Variants in PRKG1 observed in about 807,000 individuals in gnomAD.
PRKG1 encodes protein kinase cGMP-dependent 1, also known as cGMP-dependent protein kinase 1.
Under a neutral mutation model 88.1 loss-of-function variants are expected in PRKG1, and 35 were observed. The observed-to-expected ratio is 0.40, with a 90% CI of 0.30 to 0.53. The LOEUF is 0.53. Ranked by LOEUF, PRKG1 falls within the 20% of genes least tolerant of loss-of-function variation. The pLI is 0.59. For synonymous variants in PRKG1, 303 were observed against 292.5 expected, an observed-to-expected ratio of 1.04 and a Z score of -0.37; for missense variants, 540 against 839.8, an observed-to-expected ratio of 0.64 and a Z score of 4.41.
At chr10:51,177,958 T>C (rs1282191829) in intron 2 of PRKG1, among the ~76,000 whole-genome samples, 1 of 152,038 alleles carries the variant, frequency 6.6e-6, no homozygotes, top group Non-Finnish European at 1.5e-5. Context: ...AAGTAAAAAA[T>C]GTTGTAATAA....
At chr10:52,017,038 G>T (rs1320269990) in intron 5 of PRKG1, among the ~76,000 whole-genome samples, 1 of 152,144 alleles carries the variant, frequency 6.6e-6, no homozygotes. Flanking sequence ...AAGAAGTGTG[G>T]TTTGTCTGAG....
chr10:52,234,039 C>A (rs2132357914), intron 9 of PRKG1, among the ~76,000 whole-genome samples: 1 of 151,886 alleles, frequency 6.6e-6, no homozygotes, highest in Non-Finnish European at 1.5e-5. Context: ...GGGAGGCACC[C>A]CCCAGCAGAG....
intron 3 of PRKG1, among the ~76,000 whole-genome samples, chr10:51,510,084 TAA>T (rs1841347465): frequency 6.6e-6 from 1 of 152,192 alleles, no homozygotes; most frequent in Admixed American, 6.5e-5. Flanking sequence ...CTGAAAAAGT[TAA>T]GTTATACCAA....
chr10:52,187,933 G>A (rs180752645), intron 9 of PRKG1, among the ~76,000 whole-genome samples: 60 of 152,176 alleles, frequency 3.9e-4, no homozygotes, highest in African/African-American at 9.9e-4. Context: ...AGTTTGGAAC[G>A]TGATAGGATG....
intron 3 of PRKG1, among the ~76,000 whole-genome samples, chr10:51,756,103 G>A (rs1837853172): frequency 6.6e-6 from 1 of 152,098 alleles, no homozygotes; most frequent in African/African-American, 2.4e-5. Flanking sequence ...GATAACATTG[G>A]GGGCAGACAA....
chr10:51,213,802 G>A (rs184839770), intron 2 of PRKG1, among the ~76,000 whole-genome samples: 1 of 152,118 alleles, frequency 6.6e-6, no homozygotes, highest in East Asian at 1.9e-4. Flanking sequence ...GGGTGAGAGA[G>A]CAAGAGAGAA....
chr10:51,174,224 G>A (rs913213921), intron 2 of PRKG1, among the ~76,000 whole-genome samples: 5 of 151,826 alleles, frequency 3.3e-5, no homozygotes, highest in African/African-American at 1.2e-4. Flanking sequence ...AAAAGAATAA[G>A]CCTTTGTTAT....
At chr10:52,007,392 A>G (rs928325479) in intron 5 of PRKG1, among the ~76,000 whole-genome samples, 1 of 152,154 alleles carries the variant, frequency 6.6e-6, no homozygotes, top group Non-Finnish European at 1.5e-5. Flanking sequence ...CACCTCATAT[A>G]CAATAACATT....
rs372895981 is a variant in PRKG1, at chr10:51,054,139, T to G, written c.266+62495T>G. ...CCTAGTTCTGAGAAACTTTCTCATC[T>G]TAAACTAAACCTCATCTTGAACTAA... is the stretch of plus-strand genomic sequence containing the variant. On this transcript the variant is annotated intron_variant, in intron 1 of 17. Coordinates refer to the PRKG1 transcript ENST00000401604. Among the ~76,000 whole-genome samples, 5 of 152,152 alleles carry G rather than the reference T, an allele frequency of 3.3e-5. No individual in the cohort carries two copies. In the South Asian group the frequency reaches 1.0e-3, roughly 31 times the overall value.
chr10:51,183,088 C>A lies in PRKG1; in HGVS notation c.478+29758C>A, dbSNP rs551377021. Among the ~76,000 whole-genome samples the A allele has an allele frequency of 2.8e-4, 43 of 152,194 alleles. No homozygotes were observed. In the South Asian group the frequency reaches 8.9e-3, roughly 32 times the overall value. Reference sequence around the variant, plus strand: ...AACAGTTTTTCTGGTCCTTTTACCTCCTTAAAGTGTTGCTAGATGGAAAGG... The same window carrying A: ...AACAGTTTTTCTGGTCCTTTTACCTACTTAAAGTGTTGCTAGATGGAAAGG... On this transcript the variant is annotated intron_variant, in intron 2 of 17. Transcript: ENST00000373980.
At chr10:51,609,936 G>A (rs1838862854) in intron 3 of PRKG1, among the ~76,000 whole-genome samples, 1 of 151,956 alleles carries the variant, frequency 6.6e-6, no homozygotes, top group African/African-American at 2.4e-5. Flanking sequence ...AAACCACCAT[G>A]GCACACATTT....
intron 8 of PRKG1, among the ~76,000 whole-genome samples, chr10:52,157,084 CTT>C (rs1302000700): frequency 6.6e-6 from 1 of 151,128 alleles, no homozygotes; most frequent in Non-Finnish European, 1.5e-5. Context: ...TGTTATGAGA[CTT>C]TCTCCCACCC....
At chr10:51,362,318 G>C (rs952919131) in intron 2 of PRKG1, among the ~76,000 whole-genome samples, 6 of 151,688 alleles carry the variant, frequency 4.0e-5, no homozygotes, top group Admixed American at 3.9e-4. Context: ...TTTTCTATGT[G>C]TTCATAAAAG....
At chr10:51,904,304 C>A (rs1157803670) in intron 4 of PRKG1, among the ~76,000 whole-genome samples, 1 of 151,958 alleles carries the variant, frequency 6.6e-6, no homozygotes, top group South Asian at 2.1e-4. Context: ...TTTGTCCTTG[C>A]AATTATTTTG....
intron 9 of PRKG1, among the ~76,000 whole-genome samples, chr10:52,186,106 A>T (rs1185682165): frequency 6.6e-6 from 1 of 152,202 alleles, no homozygotes; most frequent in Non-Finnish European, 1.5e-5. Flanking sequence ...ATAAAGAAAT[A>T]ACTGAAGCTG....
intron 5 of PRKG1, among the ~76,000 whole-genome samples, chr10:51,988,356 T>C (rs1844217062): frequency 6.6e-6 from 1 of 152,094 alleles, no homozygotes; most frequent in Non-Finnish European, 1.5e-5. Flanking sequence ...TTTATTTCAC[T>C]AAGATAAATA....
intron 1 of PRKG1, among the ~76,000 whole-genome samples, chr10:51,065,744 C>T (rs1467243668): frequency 1.3e-5 from 2 of 152,014 alleles, no homozygotes; most frequent in African/African-American, 4.8e-5. Context: ...GTATAGTGAG[C>T]GCCTTCCTGT....
chr10:51,446,681 T>C (rs1034549366), intron 2 of PRKG1, among the ~76,000 whole-genome samples: 1 of 152,086 alleles, frequency 6.6e-6, no homozygotes, highest in Non-Finnish European at 1.5e-5. Flanking sequence ...GATGTGATCT[T>C]CATCCTTTCG....
chr10:51,898,669 T>A (rs1564698823), intron 4 of PRKG1, among the ~76,000 whole-genome samples: 1 of 152,026 alleles, frequency 6.6e-6, no homozygotes, highest in African/African-American at 2.4e-5. Context: ...ACCCTGCCTC[T>A]TCAAAAAACT....
Sources: allele counts gnomAD v4.1 joint callset (sites outside exome capture counted in the v4.1 genomes callset), GRCh38; gene constraint gnomAD v4.1.1; transcripts MANE v1.5; gene names NCBI Gene and HGNC (gene_info 2026-07-23, HGNC 2026-07-21).